Variants in ADAMTS6 observed in about 807,000 individuals in gnomAD.
The protein encoded by ADAMTS6 is ADAM metallopeptidase with thrombospondin type 1 motif 6.
In ADAMTS6, 23 loss-of-function variants were observed where a neutral mutation model predicts 144.3. The observed-to-expected ratio is 0.16, with a 90% CI of 0.11 to 0.23. ADAMTS6 has a LOEUF of 0.23. ADAMTS6 is among the 10% of genes least tolerant of loss of function. ADAMTS6 has a pLI of 1.00. For synonymous variants in ADAMTS6, 444 were observed against 457.5 expected (o/e 0.97, Z 0.38); for missense variants, 999 against 1,379.6 (o/e 0.72, Z 4.37).
chr5:65,400,058 C>G (rs1314327457), intron 7 of ADAMTS6, among the ~76,000 whole-genome samples: 3 of 152,134 alleles, frequency 2.0e-5, no homozygotes, highest in African/African-American at 7.2e-5. Flanking sequence ...TTCCTCAAAC[C>G]TTTAAATGTT....
chr5:65,344,665 G>T (rs1256570110), intron 7 of ADAMTS6, among the ~76,000 whole-genome samples: 1 of 151,702 alleles, frequency 6.6e-6, no homozygotes, highest in African/African-American at 2.4e-5. Flanking sequence ...ATTCCAAGGA[G>T]TGAAACATAT....
intron 18 of ADAMTS6, among the ~76,000 whole-genome samples, chr5:65,221,546 A>G (rs867734236): frequency 6.6e-6 from 1 of 152,222 alleles, no homozygotes. Flanking sequence ...GTTAAAAACA[A>G]TAACAACAAG....
At position 65,235,583 on chromosome 5, in the gene ADAMTS6, GA is replaced by G. The variant is rs569808005; in HGVS notation, c.1933+6520del. Among the ~76,000 whole-genome samples, 508 of 152,252 alleles carry G rather than the reference GA, an allele frequency of 3.3e-3. 3 individuals are homozygous for G. The highest frequency in any genetic ancestry group is 0.012 in the African/African-American group (486 of 41,542). On this transcript the variant is annotated intron_variant, in intron 15 of 24. Coordinates refer to ENST00000381055, the MANE Select transcript of ADAMTS6 (RefSeq NM_197941.4). ...AGCTAGGCTAGAATATAAGCAGGCAGAAAAATGTGAAAAGAGAGACTGGCCT... is the reference window on the plus strand; with the variant it reads ...AGCTAGGCTAGAATATAAGCAGGCAGAAAATGTGAAAAGAGAGACTGGCCT...
At chr5:65,354,473 T>C (rs1749142248) in intron 7 of ADAMTS6, among the ~76,000 whole-genome samples, 2 of 151,866 alleles carry the variant, frequency 1.3e-5, no homozygotes, top group South Asian at 4.1e-4. Context: ...ATTCATGTAA[T>C]AAGGCTTAAC....
chr5:65,213,719 CTGATT>C (rs927495469), intron 20 of ADAMTS6, among the ~76,000 whole-genome samples: 1 of 152,012 alleles, frequency 6.6e-6, no homozygotes, highest in African/African-American at 2.4e-5. Flanking sequence ...AATAACCTCT[CTGATT>C]TAAGACTTGA....
chr5:65,352,228 AAAG>A (rs1473016714), intron 7 of ADAMTS6, among the ~76,000 whole-genome samples: 1 of 144,558 alleles, frequency 6.9e-6, no homozygotes, highest in African/African-American at 2.4e-5. Context: ...ATGATAACCA[AAAG>A]AAGAATTTAA....
At chr5:65,267,218 T>C (rs1761691737) in intron 12 of ADAMTS6, among the ~76,000 whole-genome samples, 1 of 152,078 alleles carries the variant, frequency 6.6e-6, no homozygotes, top group South Asian at 2.1e-4. Flanking sequence ...AAAAGTTAAA[T>C]ATGTAGATGC....
intron 9 of ADAMTS6, 119 bp from the exon 10 acceptor site, chr5:65,300,250 G>A: frequency 1.2e-6 from 1 of 856,142 alleles, no homozygotes; most frequent in Non-Finnish European, 1.8e-6. Flanking sequence ...ATCAGGATAG[G>A]CCAGATCCTC....
intron 13 of ADAMTS6, among the ~76,000 whole-genome samples, chr5:65,261,453 AT>A (rs1320151077): frequency 2.2e-5 from 3 of 138,724 alleles, no homozygotes; most frequent in African/African-American, 7.7e-5. Context: ...TATATTATTT[AT>A]CACAGGGTTT....
intron 7 of ADAMTS6, among the ~76,000 whole-genome samples, chr5:65,373,015 C>T (rs566541136): frequency 2.5e-4 from 38 of 152,232 alleles, no homozygotes; most frequent in East Asian, 3.9e-4. Context: ...CTACTGGGTA[C>T]GTAACAAAAT....
chr5:65,364,288 A>T (rs1253270626), intron 7 of ADAMTS6, among the ~76,000 whole-genome samples: 3 of 152,196 alleles, frequency 2.0e-5, no homozygotes, highest in African/African-American at 4.8e-5. Context: ...AGACGAAAAG[A>T]TTCTCTCTGG....
At chr5:65,262,740 A>G (rs1468417440) in intron 13 of ADAMTS6, 77 bp downstream of exon 13, 2 of 1,414,286 alleles carry the variant, frequency 1.4e-6, no homozygotes, top group Admixed American at 3.2e-5. Flanking sequence ...GTTTTTACAG[A>G]TAACATGTGA....
intron 7 of ADAMTS6, chr5:65,415,593 T>G: frequency 2.7e-6 from 1 of 371,504 alleles, no homozygotes; most frequent in South Asian, 2.2e-5. Flanking sequence ...GATCTATCTC[T>G]TCTTCCTGCC....
At chr5:65,447,657 C>T (rs1758375730) in intron 7 of ADAMTS6, among the ~76,000 whole-genome samples, 1 of 151,834 alleles carries the variant, frequency 6.6e-6, no homozygotes. Context: ...TCATATTTCA[C>T]CACTGATACA....
intron 3 of ADAMTS6, among the ~76,000 whole-genome samples, chr5:65,462,917 T>C (rs980709174): frequency 6.6e-6 from 1 of 151,660 alleles, no homozygotes. Context: ...CCACCCCTAC[T>C]AAAAATACAA....
intron 7 of ADAMTS6, among the ~76,000 whole-genome samples, chr5:65,362,812 A>G (rs990776903): frequency 2.6e-5 from 4 of 152,354 alleles, no homozygotes; most frequent in African/African-American, 9.6e-5. Context: ...TAGAGGAATC[A>G]TTCATAAATG....
At chr5:65,253,220 CT>C in intron 14 of ADAMTS6, among the ~76,000 whole-genome samples, 1 of 152,252 alleles carries the variant, frequency 6.6e-6, no homozygotes, top group South Asian at 2.1e-4. Flanking sequence ...GTAACTTACA[CT>C]TTGAGCATAC....
In ADAMTS6 at chr5:65,151,472, G is replaced by A. The variant is rs1333211894; in HGVS notation, c.*364C>T. The A allele has an allele frequency of 6.3e-5, 12 of 190,490 alleles. No homozygotes were observed. Among genetic ancestry groups the A allele is most frequent in the Middle Eastern group, 1.9e-3 (1 of 514 alleles). 11.8% of individuals were successfully genotyped at this position (190,490 alleles called of 1,614,324 possible). A position where few individuals can be genotyped will look rare whatever the true frequency, so the allele number is the denominator to read the frequency against. ...TTTTAAACAGTTTTAAATACAAATG[G>A]ATTCAGTGTCATTGCTAAGTCCATA... On this transcript the variant is annotated 3_prime_UTR_variant, in exon 25 of 25. Coordinates refer to ENST00000381055, the MANE Select transcript of ADAMTS6 (RefSeq NM_197941.4).
Position 65,460,158 on chromosome 5 carries a change from A to G in ADAMTS6, c.631+12T>C. ...GTACAATACGCTTTGTAAAAGCTGCACACTCACTCACCCGAAACCCCACAA... is the reference window on the plus strand; with the variant it reads ...GTACAATACGCTTTGTAAAAGCTGCGCACTCACTCACCCGAAACCCCACAA... On this transcript the variant is annotated intron_variant, in intron 4 of 24. Coordinates refer to ENST00000381055, the MANE Select transcript of ADAMTS6 (RefSeq NM_197941.4). 6.2e-7 allele frequency: 1 copy of G among 1,613,452 alleles called. No individual in the cohort carries two copies.
Sources: allele counts gnomAD v4.1 joint callset (sites outside exome capture counted in the v4.1 genomes callset), GRCh38; gene constraint gnomAD v4.1.1; transcripts MANE v1.5; gene names NCBI Gene and HGNC (gene_info 2026-07-23, HGNC 2026-07-21).